Variants in DLG2 observed in about 807,000 individuals in gnomAD.
The protein encoded by DLG2 is disks large homolog 2.
DLG2 carries 45 observed loss-of-function variants against 132.5 expected under a neutral mutation model. The observed-to-expected ratio is 0.34, with a 90% CI of 0.27 to 0.44. DLG2 has a LOEUF of 0.44. Ranked by LOEUF, DLG2 falls within the 20% of genes least tolerant of loss-of-function variation. DLG2 has a pLI of 1.00. For synonymous variants in DLG2, 424 were observed against 419.6 expected (o/e 1.01, Z -0.13); for missense variants, 1,045 against 1,196.9 (o/e 0.87, Z 1.87).
At position 85,029,371 on chromosome 11, in the gene DLG2, T is replaced by C. The variant is rs187832689; in HGVS notation, c.357+82290A>G. ...AGGTGACAATACAGGACTCTCCATG[T>C]GTCCACATGTCTTCACTGATGATTA... On this transcript the variant is annotated intron_variant, in intron 6 of 27. Coordinates refer to ENST00000376104, the MANE Select transcript of DLG2 (RefSeq NM_001142699.3). Among the ~76,000 whole-genome samples the C allele has an allele frequency of 5.3e-5, 8 of 152,326 alleles. No individual in the cohort carries two copies. In the East Asian group the frequency reaches 1.2e-3, roughly 22 times the overall value.
intron 3 of DLG2, among the ~76,000 whole-genome samples, chr11:85,394,902 A>G (rs896339860): frequency 6.6e-6 from 1 of 152,198 alleles, no homozygotes; most frequent in Non-Finnish European, 1.5e-5. Context: ...TGATGAATAT[A>G]GCATTCTTGC....
intron 9 of DLG2, among the ~76,000 whole-genome samples, chr11:84,161,149 C>G (rs189493581): frequency 9.2e-5 from 14 of 152,162 alleles, no homozygotes; most frequent in Non-Finnish European, 1.8e-4. Flanking sequence ...AAAGTGTTGG[C>G]TTAACCAGCG....
chr11:84,835,123 T>C (rs2079572883), intron 6 of DLG2, among the ~76,000 whole-genome samples: 1 of 151,680 alleles, frequency 6.6e-6, no homozygotes, highest in Non-Finnish European at 1.5e-5. Flanking sequence ...ATACCCTTGG[T>C]AATATTATTT....
chr11:83,860,902 TAG>T (rs1565383930), intron 16 of DLG2, among the ~76,000 whole-genome samples: 1 of 152,142 alleles, frequency 6.6e-6, no homozygotes, highest in Non-Finnish European at 1.5e-5. Context: ...TTTTAAAAAC[TAG>T]AGTTTCCCTG....
At chr11:83,661,774 C>T (rs1254562555) in intron 18 of DLG2, among the ~76,000 whole-genome samples, 1 of 152,044 alleles carries the variant, frequency 6.6e-6, no homozygotes, top group East Asian at 1.9e-4. Context: ...TCAAGTAAAT[C>T]CGCTACACCT....
intron 11 of DLG2, among the ~76,000 whole-genome samples, chr11:84,023,540 A>G (rs189982485): frequency 7.0e-4 from 106 of 152,230 alleles, no homozygotes; most frequent in African/African-American, 2.5e-3. Context: ...TTCTACTTCT[A>G]CTCTATATAA....
At chr11:83,685,819 A>C (rs1191399688) in intron 18 of DLG2, among the ~76,000 whole-genome samples, 1 of 151,584 alleles carries the variant, frequency 6.6e-6, no homozygotes, top group Non-Finnish European at 1.5e-5. Context: ...TCAAAACTAA[A>C]CTCTTGGTTT....
At chr11:84,218,287 AAGAG>A (rs1225098807) in intron 8 of DLG2, among the ~76,000 whole-genome samples, 5 of 133,180 alleles carry the variant, frequency 3.8e-5, no homozygotes, top group African/African-American at 9.5e-5. Flanking sequence ...GAGAGAGAGA[AAGAG>A]AGAAAGAGAA....
chr11:85,131,702 C>T (rs1032022567), intron 5 of DLG2, among the ~76,000 whole-genome samples: 3 of 152,094 alleles, frequency 2.0e-5, no homozygotes, highest in Non-Finnish European at 2.9e-5. Context: ...GGAAGATATC[C>T]ATTATGATTT....
chr11:85,569,971 A>C (rs1006509993), intron 3 of DLG2, among the ~76,000 whole-genome samples: 2 of 152,220 alleles, frequency 1.3e-5, no homozygotes, highest in African/African-American at 2.4e-5. Context: ...CAAAGGGACA[A>C]TAGGCACTGC....
chr11:85,110,739 G>C (rs988867121), intron 6 of DLG2, among the ~76,000 whole-genome samples: 1 of 152,088 alleles, frequency 6.6e-6, no homozygotes, highest in Non-Finnish European at 1.5e-5. Flanking sequence ...TGTAAGACAT[G>C]TTATGTCAGT....
chr11:84,571,236 T>C (rs560357183), intron 6 of DLG2, among the ~76,000 whole-genome samples: 14 of 152,174 alleles, frequency 9.2e-5, no homozygotes, highest in African/African-American at 2.9e-4. Context: ...TCCTCTTTTC[T>C]TTCTCTTCTT....
chr11:84,425,384 G>A (rs573252514), intron 7 of DLG2, among the ~76,000 whole-genome samples: 135 of 152,224 alleles, frequency 8.9e-4, no homozygotes, highest in African/African-American at 3.2e-3. Flanking sequence ...AAGGCATAGT[G>A]TAGCTGATAA....
At chr11:85,551,312 A>G (rs1204469725) in intron 3 of DLG2, among the ~76,000 whole-genome samples, 1 of 152,200 alleles carries the variant, frequency 6.6e-6, no homozygotes, top group East Asian at 1.9e-4. Context: ...TGAATATATA[A>G]TCAGCAATAA....
intron 11 of DLG2, among the ~76,000 whole-genome samples, chr11:84,041,792 C>G (rs1224476487): frequency 6.6e-6 from 1 of 151,876 alleles, no homozygotes; most frequent in South Asian, 2.1e-4. Flanking sequence ...CAAATTCCAT[C>G]TTGAAATGTA....
intron 6 of DLG2, among the ~76,000 whole-genome samples, chr11:84,980,713 C>T (rs1331762754): frequency 1.3e-5 from 2 of 152,164 alleles, no homozygotes; most frequent in Non-Finnish European, 2.9e-5. Flanking sequence ...ACAGTGAGCC[C>T]CAAGTTTCTG....
At chr11:84,650,179 A>C (rs935155576) in intron 6 of DLG2, among the ~76,000 whole-genome samples, 5 of 152,130 alleles carry the variant, frequency 3.3e-5, no homozygotes, top group African/African-American at 1.2e-4. Flanking sequence ...TTTCCTCTGA[A>C]GCTGCTCCAA....
intron 2 of DLG2, among the ~76,000 whole-genome samples, chr11:85,615,133 G>A (rs770802917): frequency 1.3e-5 from 2 of 152,164 alleles, no homozygotes; most frequent in Non-Finnish European, 2.9e-5. Flanking sequence ...TCTCCTTTCA[G>A]ACAAGCCATG....
intron 6 of DLG2, among the ~76,000 whole-genome samples, chr11:84,695,063 T>TA (rs952241642): frequency 6.6e-6 from 1 of 151,460 alleles, no homozygotes; most frequent in Admixed American, 6.6e-5. Context: ...TCTATAAGAT[T>TA]AAAAAAATAT....
Sources: gnomAD v4.1 joint callset for allele counts (sites outside exome capture counted in the v4.1 genomes callset) on GRCh38, gnomAD v4.1.1 for gene constraint, MANE v1.5 for transcripts, NCBI Gene and HGNC (gene_info 2026-07-23, HGNC 2026-07-21) for gene names.